Variants in PIWIL1 observed in about 807,000 individuals in gnomAD.
PIWIL1 encodes the protein piwi-like protein 1.
A neutral mutation model predicts 114.4 loss-of-function variants in PIWIL1; 73 were observed. That is an observed-to-expected ratio of 0.64 (90% CI 0.53 to 0.78). The LOEUF (loss-of-function observed/expected upper bound fraction) is 0.78, where lower values mean the gene tolerates loss of function less well. Ranked by LOEUF, PIWIL1 falls within the 30% of genes least tolerant of loss-of-function variation. The pLI, the probability that PIWIL1 is intolerant of heterozygous loss-of-function variation, is 0.00. For synonymous variants in PIWIL1, 375 were observed against 369.0 expected (o/e 1.02, Z -0.19); for missense variants, 723 against 1,063.1 (o/e 0.68, Z 4.45).
the PIWIL1 span, among the ~76,000 whole-genome samples, chr12:130,408,023 A>G: frequency 6.6e-6 from 1 of 152,066 alleles, no homozygotes; most frequent in Non-Finnish European, 1.5e-5. Flanking sequence ...ATATTCTTAT[A>G]TTTTTGCTGT....
downstream of PIWIL1, among the ~76,000 whole-genome samples, chr12:130,375,501 C>T (rs1368999276): frequency 2.6e-5 from 4 of 152,246 alleles, no homozygotes; most frequent in African/African-American, 7.2e-5. Flanking sequence ...ACCGCGTTTG[C>T]TCTGCAGCCC....
At chr12:130,388,839 T>C in the PIWIL1 span, among the ~76,000 whole-genome samples, 1 of 152,298 alleles carries the variant, frequency 6.6e-6, no homozygotes, top group East Asian at 1.9e-4. Context: ...GTATTTTGTG[T>C]TTTCTATGTA....
the PIWIL1 span, among the ~76,000 whole-genome samples, chr12:130,414,883 C>T: frequency 2.7e-4 from 41 of 152,328 alleles, no homozygotes; most frequent in African/African-American, 9.6e-4. Flanking sequence ...CCTAGACACA[C>T]ACAACCTCCC....
chr12:130,369,503 A>C (rs1310720851), intron 19 of PIWIL1, among the ~76,000 whole-genome samples: 2 of 149,668 alleles, frequency 1.3e-5, no homozygotes, highest in African/African-American at 4.9e-5. Context: ...ACTAATTTAC[A>C]TTCCCACCAA....
rs1184171584 is a variant in PIWIL1, at chr12:130,343,103, T to C, written c.190+2T>C. On this transcript the variant is annotated splice_donor_variant, in intron 3 of 20. Transcript: ENST00000245255. LOFTEE classifies it high-confidence loss of function. ...CAGGAGGAACAGCCAAGTCACAAGG[T>C]GAAGAGAAAGTAAAAGGAAGTCTTA... is the stretch of plus-strand genomic sequence containing the variant. The C allele has an allele frequency of 1.2e-6, 2 of 1,605,534 alleles. No homozygotes were observed.
chr12:130,399,156 C>T, the PIWIL1 span: 1 of 1,391,160 alleles, frequency 7.2e-7, no homozygotes. Context: ...AATGAACACT[C>T]TTCTTCTGTT....
At chr12:130,407,995 T>C in the PIWIL1 span, among the ~76,000 whole-genome samples, 6 of 152,180 alleles carry the variant, frequency 3.9e-5, no homozygotes, top group Non-Finnish European at 8.8e-5. Context: ...CTACTTTGGG[T>C]CAGTGGTCTG....
chr12:130,355,764 C>A lies in PIWIL1; in HGVS notation c.1404+97C>A, dbSNP rs1593104595. The A allele has an allele frequency of 3.1e-5, 26 of 849,594 alleles. No homozygotes were observed. In the East Asian group the frequency reaches 6.1e-4, roughly 20 times the overall value. The allele number at this position is 849,594 out of a possible 1,614,324, so 52.6% of individuals were successfully genotyped here. ...ACAGTGGTGCAATCTCAGCTCACTG[C>A]AAGCTCCGAGTAAGGCAGTTTTTAA... On this transcript the variant is annotated intron_variant, in intron 12 of 20. Transcript: ENST00000245255.
intron 1 of PIWIL1, among the ~76,000 whole-genome samples, chr12:130,338,943 G>A (rs1327704539): frequency 6.6e-6 from 1 of 151,762 alleles, no homozygotes; most frequent in South Asian, 2.1e-4. Flanking sequence ...CCGGGGGTGC[G>A]GGGGCGGAGG....
At chr12:130,410,418 T>C in the PIWIL1 span, among the ~76,000 whole-genome samples, 1 of 152,220 alleles carries the variant, frequency 6.6e-6, no homozygotes, top group African/African-American at 2.4e-5. Context: ...CATGTTTTAA[T>C]GTCCTGTCAA....
At chr12:130,361,009 G>A in intron 14 of PIWIL1, among the ~76,000 whole-genome samples, 171 bp from the exon 15 acceptor site, 1 of 152,176 alleles carries the variant, frequency 6.6e-6, no homozygotes, top group East Asian at 1.9e-4. Flanking sequence ...AACATGATGA[G>A]CAGTATTTGT....
the PIWIL1 span, among the ~76,000 whole-genome samples, chr12:130,381,798 C>T: frequency 1.2e-4 from 19 of 152,198 alleles, no homozygotes; most frequent in African/African-American, 4.3e-4. Flanking sequence ...TGTTAATTCA[C>T]GTCTTTCCCA....
At chr12:130,392,102 T>C in the PIWIL1 span, among the ~76,000 whole-genome samples, 1 of 130,722 alleles carries the variant, frequency 7.6e-6, no homozygotes, top group African/African-American at 3.0e-5. Context: ...ACCCAGTGAA[T>C]ATTGAACGTT....
the PIWIL1 span, among the ~76,000 whole-genome samples, chr12:130,392,812 C>A: frequency 9.1e-3 from 950 of 104,050 alleles, 21 homozygotes; most frequent in East Asian, 0.027. Flanking sequence ...CGTCAGTTAC[C>A]TGGTGAGTAT....
chr12:130,354,919 C>A lies in PIWIL1; in HGVS notation c.1203C>A (p.Asn401Lys). 6.2e-7 allele frequency: 1 copy of A among 1,613,326 alleles called. No homozygotes were observed. The highest frequency in any genetic ancestry group is 8.5e-7 in the Non-Finnish European group (1 of 1,179,330). The stretch of plus-strand genomic sequence containing the variant: ...CTGATAAAATGCGTAATGATTTTAA[C>A]GTGATGAAAGACTTAGCCGTTCATA... ...GLTDKMRNDF[N>K]VMKDLAVHTR... The change falls in exon 11 of 21, where the codon AAC becomes AAA. Residue 401 changes from asparagine (N) to lysine (K), a missense_variant. Coordinates refer to ENST00000245255, the MANE Select transcript of PIWIL1 (RefSeq NM_004764.5).
intron 1 of PIWIL1, among the ~76,000 whole-genome samples, chr12:130,339,964 G>T (rs1593077553): frequency 6.6e-6 from 1 of 152,204 alleles, no homozygotes; most frequent in East Asian, 1.9e-4. Flanking sequence ...TCACACCGTT[G>T]TTTGTAAGGT....
At chr12:130,367,328 CT>C in intron 19 of PIWIL1, 70 bp downstream of exon 19, 1 of 1,372,156 alleles carries the variant, frequency 7.3e-7, no homozygotes, top group Non-Finnish European at 9.8e-7. Context: ...GGCCCCTATG[CT>C]TTACCAATTT....
the PIWIL1 span, among the ~76,000 whole-genome samples, chr12:130,384,121 T>A: frequency 1.6e-3 from 238 of 152,332 alleles, 3 homozygotes; most frequent in East Asian, 0.032. Context: ...TTTATAAATG[T>A]CTCTTTGGTG....
chr12:130,404,752 C>G, the PIWIL1 span, among the ~76,000 whole-genome samples: 1 of 152,090 alleles, frequency 6.6e-6, no homozygotes, highest in African/African-American at 2.4e-5. Flanking sequence ...GCTAAATGTA[C>G]ATCTAAACAA....
Sources: gnomAD v4.1 joint callset for allele counts (sites outside exome capture counted in the v4.1 genomes callset) on GRCh38, gnomAD v4.1.1 for gene constraint, MANE v1.5 for transcripts, NCBI Gene and HGNC (gene_info 2026-07-23, HGNC 2026-07-21) for gene names.